Variants in ARHGAP9 observed in about 807,000 individuals in gnomAD.
ARHGAP9 encodes rho GTPase-activating protein 9.
Under a neutral mutation model 87.3 loss-of-function variants are expected in ARHGAP9, and 76 were observed. That is an observed-to-expected ratio of 0.87 (90% confidence interval 0.72 to 1.05). The LOEUF (loss-of-function observed/expected upper bound fraction) is 1.05. ARHGAP9 is among the 50% of genes least tolerant of loss of function. The pLI, the probability that ARHGAP9 is intolerant of heterozygous loss-of-function variation, is 0.00. For synonymous variants in ARHGAP9, 382 were observed against 394.9 expected, an observed-to-expected ratio of 0.97 and a Z score of 0.39; for missense variants, 941 against 960.5, an observed-to-expected ratio of 0.98 and a Z score of 0.27.
chr12:57,473,273 C>T (rs1354275846), intron 17 of ARHGAP9, among the ~76,000 whole-genome samples: 1 of 151,974 alleles, frequency 6.6e-6, no homozygotes, highest in African/African-American at 2.4e-5. Flanking sequence ...ATTAGCCAGG[C>T]GTGGTGGCGG....
intron 15 of ARHGAP9, 70 bp downstream of exon 15, chr12:57,474,353 G>C: frequency 6.3e-7 from 1 of 1,599,126 alleles, no homozygotes; most frequent in Non-Finnish European, 8.6e-7. Context: ...ATAGTACATG[G>C]GGGTTTCCAC....
chr12:57,476,569 A>G, intron 7 of ARHGAP9, 21 bp downstream of exon 7: 5 of 1,613,948 alleles, frequency 3.1e-6, no homozygotes, highest in Non-Finnish European at 4.2e-6. Context: ...CCCAGGCCCT[A>G]GCTGTATTCT....
rs775241343 is a variant in ARHGAP9, at chr12:57,479,163, A to G, written c.244T>C (p.Tyr82His). Reference protein sequence around the residue: ...TSRPIFVPAAYMIEESIPSQS... With the variant: ...TSRPIFVPAAHMIEESIPSQS... ...GAAGGGATGGATTCCTCTATCATATAGGCTGCTGGGACGAAGATGGGTCGA... is the reference window on the plus strand; with the variant it reads ...GAAGGGATGGATTCCTCTATCATATGGGCTGCTGGGACGAAGATGGGTCGA... Residue 82 changes from tyrosine to histidine, a missense_variant, in exon 2 of 18, where the codon TAT becomes CAT. Tyr to His is a moderately conservative substitution (Grantham distance 83). Transcript: ENST00000393791. 44 of 1,614,098 alleles carry G rather than the reference A, an allele frequency of 2.7e-5. No homozygotes were observed. The highest frequency in any genetic ancestry group is 3.6e-5 in the Non-Finnish European group (43 of 1,180,038).
Position 57,472,587 on chromosome 12 carries a change from G to A in ARHGAP9, c.2126C>T (p.Ala709Val), listed in dbSNP as rs369491415. 16 of 1,614,240 alleles carry A rather than the reference G, an allele frequency of 9.9e-6. No homozygotes were observed. Among genetic ancestry groups the A allele is most frequent in the Non-Finnish European group, 1.2e-5 (14 of 1,180,042 alleles). ...FRPEQETSDP[A>V]AHALYPGQLV... ...CTGCCCTGGGTAGAGAGCATGGGCT[G>A]CTGGGTCAGATGTCTCCTGCTCTGG... Residue 709 changes from alanine to valine, a missense_variant, in exon 18 of 18, where the codon GCA becomes GTA. Physicochemically the swap from Ala to Val is moderately conservative, Grantham distance 64 (BLOSUM62 0). Coordinates refer to ENST00000393791, the MANE Select transcript of ARHGAP9 (RefSeq NM_032496.4).
upstream of ARHGAP9, chr12:57,480,900 C>T: frequency 2.8e-6 from 4 of 1,452,128 alleles, no homozygotes; most frequent in East Asian, 2.5e-5. Context: ...ATCAGAGAGC[C>T]AGCTCTCTTC....
At position 57,474,381 on chromosome 12, in the gene ARHGAP9, T is replaced by C. The variant is rs552192976; in HGVS notation, c.1783+42A>G. On this transcript the variant is annotated intron_variant, in intron 15 of 17. Coordinates refer to ENST00000393791, the MANE Select transcript of ARHGAP9 (RefSeq NM_032496.4). The stretch of plus-strand genomic sequence containing the variant: ...GTTTCCACGGGAAGCAAAGAGGATA[T>C]GTGGAAGTTTTAGGGATCTGAAGGG... 7.8e-4 allele frequency: 1,248 copies of C among 1,609,634 alleles called. 23 individuals carry two copies. The South Asian group carries it at 0.013, about 17-fold the overall frequency.
upstream of ARHGAP9, chr12:57,484,060 A>AT (rs1322528479): frequency 4.2e-5 from 11 of 264,856 alleles, no homozygotes; most frequent in African/African-American, 2.6e-4. Context: ...AAAAAAAAAA[A>AT]AAAAAAATAA....
At chr12:57,478,970 A>C in intron 2 of ARHGAP9, 121 bp downstream of exon 2, 1 of 1,330,370 alleles carries the variant, frequency 7.5e-7, no homozygotes, top group South Asian at 1.4e-5. Context: ...AAGAAAAACA[A>C]GAGAAGATGG....
At chr12:57,488,230 T>G (rs1565635794) in intron 1 of ARHGAP9, 7 of 1,584,490 alleles carry the variant, frequency 4.4e-6, no homozygotes, top group Non-Finnish European at 6.1e-6. Context: ...GGGCGGTGGA[T>G]GGGGGGGCGG....
upstream of ARHGAP9, chr12:57,479,976 C>T (rs149871994): frequency 9.2e-5 from 125 of 1,359,924 alleles, no homozygotes; most frequent in African/African-American, 1.8e-3. Context: ...CTCAGAGAGA[C>T]ATGGTGACAG....
Position 57,476,884 on chromosome 12 carries a change from A to G in ARHGAP9, c.950T>C (p.Leu317Pro). 1 of 1,613,960 alleles carries G rather than the reference A, an allele frequency of 6.2e-7. No individual in the cohort carries two copies. The highest frequency in any genetic ancestry group is 8.5e-7 in the Non-Finnish European group (1 of 1,179,932). ...LQAPRPLPQL[L>P]DDPHEVEKSG... The stretch of plus-strand genomic sequence containing the variant: ...TGGGAGATTCACATGGGGGTCGTCC[A>G]GGAGCTGCGGCAGAGGTCGAGGGGC... The change falls in exon 6 of 18, where the codon CTG becomes CCG. Residue 317 changes from leucine to proline, a missense_variant. Transcript: ENST00000393791.
At chr12:57,474,303 C>T (rs1872806082) in intron 15 of ARHGAP9, 120 bp downstream of exon 15, 1 of 1,573,724 alleles carries the variant, frequency 6.4e-7, no homozygotes, top group East Asian at 2.2e-5. Context: ...TGCAGTGGGG[C>T]AAGGTAGCTA....
At position 57,477,519 on chromosome 12, in the gene ARHGAP9, G is replaced by A; in HGVS notation, c.696C>T (p.Tyr232=). The change falls in exon 4 of 18, where the codon TAC becomes TAT. Residue 232 remains tyrosine (Y), a synonymous_variant. Coordinates refer to ENST00000393791, the MANE Select transcript of ARHGAP9 (RefSeq NM_032496.4). ...ACTTGCAGCCAGTCAGTGAATTTATGTAGAAGCAGCGTCCAGAGTTGGGGT... is the reference window on the plus strand; with the variant it reads ...ACTTGCAGCCAGTCAGTGAATTTATATAGAAGCAGCGTCCAGAGTTGGGGT... ...HLDPNSGRCF[Y]INSLTGCKSW... is the part of the protein sequence containing the mutation. 1 of 1,614,102 alleles carries A rather than the reference G, an allele frequency of 6.2e-7. No individual in the cohort carries two copies. The highest frequency in any genetic ancestry group is 8.5e-7 in the Non-Finnish European group (1 of 1,180,012).
At chr12:57,477,010 G>T in intron 5 of ARHGAP9, 47 bp from the exon 6 acceptor site, 1 of 1,597,424 alleles carries the variant, frequency 6.3e-7, no homozygotes, top group Non-Finnish European at 8.6e-7. Flanking sequence ...CTCGACTCAG[G>T]GATCCCTGGC....
chr12:57,486,777 C>T (rs1487844964), intron 1 of ARHGAP9, among the ~76,000 whole-genome samples: 5 of 146,394 alleles, frequency 3.4e-5, no homozygotes, highest in Non-Finnish European at 4.5e-5. Context: ...TCCAGCTACT[C>T]GGGAGGCTGA....
chr12:57,474,061 G>A lies in ARHGAP9; in HGVS notation c.1899C>T (p.Pro633=). The A allele has an allele frequency of 4.3e-6, 7 of 1,613,954 alleles. No homozygotes were observed. Among genetic ancestry groups the A allele is most frequent in the Non-Finnish European group, 2.5e-6 (3 of 1,179,946 alleles). The change falls in exon 16 of 18, where the codon CCC becomes CCT. Residue 633 remains proline (P), a synonymous_variant. Coordinates refer to ENST00000393791, the MANE Select transcript of ARHGAP9 (RefSeq NM_032496.4). ...PQPLVPPLLL[P]HFRAALALSE... Reference sequence around the variant, plus strand: ...CCTTACCAAGGGCAGCACGGAAATGGGGCAGCAGCAGTGGTGGCACCAGAG... The same window carrying A: ...CCTTACCAAGGGCAGCACGGAAATGAGGCAGCAGCAGTGGTGGCACCAGAG...
exon 1 of ARHGAP9, chr12:57,488,722 G>A (rs1265224293): frequency 3.5e-6 from 5 of 1,420,824 alleles, no homozygotes; most frequent in Non-Finnish European, 4.9e-6. Context: ...TAATTATGAA[G>A]ATATCCCAGT....
upstream of ARHGAP9, among the ~76,000 whole-genome samples, chr12:57,483,175 A>G (rs1565632456): frequency 6.6e-6 from 1 of 152,194 alleles, no homozygotes; most frequent in Non-Finnish European, 1.5e-5. Context: ...ACTATGATAG[A>G]GGAAATACTA....
Position 57,475,633 on chromosome 12 carries a change from C to G in ARHGAP9, c.1312-18G>C, listed in dbSNP as rs769951303. Reference sequence around the variant, plus strand: ...TCCCGATCCTAGACCCGGGGCGGGCCGTGTCGAAGGTGAGAGAGGAGAGAA... The same window carrying G: ...TCCCGATCCTAGACCCGGGGCGGGCGGTGTCGAAGGTGAGAGAGGAGAGAA... On this transcript the variant is annotated intron_variant, in intron 10 of 17. Coordinates refer to ENST00000393791, the MANE Select transcript of ARHGAP9 (RefSeq NM_032496.4). The G allele has an allele frequency of 6.2e-7, 1 of 1,604,802 alleles. No individual in the cohort carries two copies. Among genetic ancestry groups the G allele is most frequent in the South Asian group, 1.1e-5 (1 of 90,170 alleles).
Sources: allele counts gnomAD v4.1 joint callset (sites outside exome capture counted in the v4.1 genomes callset), GRCh38; gene constraint gnomAD v4.1.1; transcripts MANE v1.5; gene names NCBI Gene and HGNC (gene_info 2026-07-23, HGNC 2026-07-21).